LAMA5: variants seen among roughly 807,000 people sequenced by gnomAD.
The protein encoded by LAMA5 is laminin subunit alpha-5.
In LAMA5, 260 loss-of-function variants were observed where a neutral mutation model predicts 433.4. The observed-to-expected ratio is 0.60, with a 90% confidence interval of 0.54 to 0.66. The LOEUF (loss-of-function observed/expected upper bound fraction) is 0.66, where lower values mean the gene tolerates loss of function less well. LAMA5 is among the 30% of genes least tolerant of loss of function. The pLI is 0.00. For missense variants in LAMA5, 5,378 were observed against 5,258.5 expected (o/e 1.02, Z -0.70); for synonymous variants, 2,620 against 2,226.6 (o/e 1.18, Z -4.97).
chr20:62,326,724 A>G lies in LAMA5; in HGVS notation c.5251T>C (p.Tyr1751His), dbSNP rs762886509. 12 of 1,612,962 alleles carry G rather than the reference A, an allele frequency of 7.4e-6. No homozygotes were observed. Among genetic ancestry groups the G allele is most frequent in the Middle Eastern group, 1.7e-4 (1 of 6,058 alleles). The change falls in exon 40 of 80, where the codon TAC becomes CAC. Residue 1751 changes from tyrosine (Y) to histidine (H), a missense_variant. Coordinates refer to ENST00000252999, the MANE Select transcript of LAMA5 (RefSeq NM_005560.6). ...CGGTGAACGTGGCCAGGCGTGGGGT[A>G]TGCCGGCTCCAGGAATGTGATGCTC... ...QMSITFLEPA[Y>H]PTPGHVHRGQ... is the part of the protein sequence containing the mutation.
rs566795195 is a variant in LAMA5, at chr20:62,319,736, G to A, written c.6819C>T (p.Gly2273=). 4.5e-6 allele frequency: 7 copies of A among 1,548,882 alleles called. No individual in the cohort carries two copies. In the East Asian group the frequency reaches 7.3e-5, roughly 16 times the overall value. Residue 2273 remains glycine, a synonymous_variant, in exon 51 of 80, where the codon GGC becomes GGT. Coordinates refer to ENST00000252999, the MANE Select transcript of LAMA5 (RefSeq NM_005560.6). ...QLLAGTEATL[G]HAKTLLAAIR... ...TGGCCGCCAACAGCGTCTTCGCATG[G>A]CCCAGTGTGGCCTCGGTGCCGGCCA...
At chr20:62,318,781 C>G in intron 52 of LAMA5, 62 bp downstream of exon 52, 1 of 1,586,964 alleles carries the variant, frequency 6.3e-7, no homozygotes, top group Non-Finnish European at 8.6e-7. Flanking sequence ...GCTGACCTCC[C>G]CCTTGGAGCT....
In LAMA5 at chr20:62,362,507, G is replaced by A. The variant is rs1166130614; in HGVS notation, c.343C>T (p.His115Tyr). The change falls in exon 2 of 80, where the codon CAC becomes TAC. Residue 115 changes from histidine to tyrosine, a missense_variant. Coordinates refer to ENST00000252999, the MANE Select transcript of LAMA5 (RefSeq NM_005560.6). ...ICTAANSNKA[H>Y]PASNAIDGTE... The stretch of plus-strand genomic sequence containing the variant: ...CCATCGATGGCATTGCTCGCGGGGT[G>A]TGCCTTGTTGCTGTTGGCAGCCGTG... 7 of 1,603,510 alleles carry A rather than the reference G, an allele frequency of 4.4e-6. No homozygotes were observed. In the South Asian group the frequency reaches 5.6e-5, roughly 13 times the overall value.
rs754753504 is a variant in LAMA5 at position 62,330,799 on chromosome 20, G to T, written c.3796C>A (p.Arg1266=). 2 of 1,559,212 alleles carry T rather than the reference G, an allele frequency of 1.3e-6. No homozygotes were observed. The highest frequency in any genetic ancestry group is 1.2e-5 in the South Asian group (1 of 84,582). ...TCAGGGTCCACAGCGGTGGGGGGCC[G>T]AGGTCGGGGTCCAGCTGGGGACATG... is the stretch of plus-strand genomic sequence containing the variant. ...PAMSPAGPRP[R]PPTAVDPDAE... is the part of the protein sequence containing the mutation. The change falls in exon 30 of 80, where the codon CGG becomes AGG. Residue 1266 remains arginine (R), a synonymous_variant. Coordinates refer to ENST00000252999, the MANE Select transcript of LAMA5 (RefSeq NM_005560.6).
At chr20:62,339,438 A>G (rs974289645) in intron 11 of LAMA5, among the ~76,000 whole-genome samples, 1 of 151,824 alleles carries the variant, frequency 6.6e-6, no homozygotes, top group South Asian at 2.1e-4. Flanking sequence ...GGGTTTCACT[A>G]TGTTAGCCAG....
Position 62,309,631 on chromosome 20 carries a change from T to TG in LAMA5, c.10948+84dup, listed in dbSNP as rs1234851632. The TG allele has an allele frequency of 2.8e-3, 1,121 of 395,348 alleles. 32 individuals are homozygous for TG. The African/African-American group carries it at 0.059, about 21-fold the overall frequency. 24.5% of individuals were successfully genotyped at this position (395,348 alleles called of 1,614,324 possible). On this transcript the variant is annotated intron_variant, in intron 79 of 79. Transcript: ENST00000252999. ...GAGGAGGGTGGGAGGGGGCAGGGGG[T>TG]GGAGGGGTGGGGGGAGGGTGGTAGG...
intron 2 of LAMA5, among the ~76,000 whole-genome samples, chr20:62,357,139 GC>G (rs1221658320): frequency 6.6e-6 from 1 of 152,154 alleles, no homozygotes; most frequent in African/African-American, 2.4e-5. Context: ...GCTGTCCTGT[GC>G]CCAAACCCAG....
In LAMA5 at chr20:62,312,177, G is replaced by A. The variant is rs1395034751; in HGVS notation, c.9500C>T (p.Ser3167Phe). 1.2e-6 allele frequency: 2 copies of A among 1,610,716 alleles called. No individual in the cohort carries two copies. The highest frequency in any genetic ancestry group is 8.5e-7 in the Non-Finnish European group (1 of 1,179,214). ...GGCACGGGTGTGAGGTCTCACCGGG[G>A]ACGCCCGGTAGTAGAGCAGGGCACT... ...QDSALLYYRA[S>F]PDGLCQVSLQ... Residue 3167 changes from serine to phenylalanine, a missense_variant, in exon 69 of 80, where the codon TCC becomes TTC. By Grantham distance (155) the Ser-to-Phe change is radical. Transcript: ENST00000252999.
At chr20:62,345,738 C>G in intron 11 of LAMA5, 80 bp downstream of exon 11, 3 of 1,022,136 alleles carry the variant, frequency 2.9e-6, no homozygotes, top group Non-Finnish European at 4.3e-6. Context: ...AAAATCCTCC[C>G]TTTCTCCAGG....
At chr20:62,331,938 G>A (rs766142583) in intron 28 of LAMA5, among the ~76,000 whole-genome samples, 1 of 152,154 alleles carries the variant, frequency 6.6e-6, no homozygotes, top group Non-Finnish European at 1.5e-5. Flanking sequence ...TATAGTCTCA[G>A]GTACTTGGGA....
At position 62,317,305 on chromosome 20, in the gene LAMA5, C is replaced by T. The variant is rs375270707; in HGVS notation, c.7511+40G>A. ...CCCTCCCAAGGCCCTGTCTGCATCC[C>T]CAGGGTGGGCCCAGGGCCCCTCCTC... On this transcript the variant is annotated intron_variant, in intron 55 of 79. Transcript: ENST00000252999. 6.3e-5 allele frequency: 97 copies of T among 1,549,812 alleles called. 2 individuals are homozygous for T. The African/African-American group carries it at 9.5e-4, about 15-fold the overall frequency.
rs538749758 is a variant in LAMA5, at chr20:62,311,621, C to T, written c.9799G>A (p.Val3267Met). The T allele has an allele frequency of 1.4e-4, 221 of 1,605,724 alleles. 5 individuals carry two copies. In the South Asian group the frequency reaches 2.2e-3, roughly 16 times the overall value. The change falls in exon 71 of 80, where the codon GTG becomes ATG. Residue 3267 changes from valine (V) to methionine (M), a missense_variant. Physicochemically the swap from Val to Met is conservative, Grantham distance 21. Coordinates refer to ENST00000252999, the MANE Select transcript of LAMA5 (RefSeq NM_005560.6). ...NFSGCISNVF[V>M]QRLLGPQRVF... ...AGCGCCCACCAGGCTCACCGCTGCA[C>T]GAAGACGTTGCTGATGCAGCCACTG...
chr20:62,318,527 T>C lies in LAMA5; in HGVS notation c.7166A>G (p.Asn2389Ser). 1 of 1,609,590 alleles carries C rather than the reference T, an allele frequency of 6.2e-7. No individual in the cohort carries two copies. Among genetic ancestry groups the C allele is most frequent in the Non-Finnish European group, 8.5e-7 (1 of 1,178,980 alleles). ...CTCCCGTGTGGCGTCCACTGCCCGGTTCAAAGCCTCTCGCAGGTCCATGAG... is the reference window on the plus strand; with the variant it reads ...CTCCCGTGTGGCGTCCACTGCCCGGCTCAAAGCCTCTCGCAGGTCCATGAG... Reference protein sequence around the residue: ...AGLMDLREALNRAVDATREAQ... With the variant: ...AGLMDLREALSRAVDATREAQ... Residue 2389 changes from asparagine to serine, a missense_variant, in exon 53 of 80, where the codon AAC becomes AGC. Transcript: ENST00000252999.
chr20:62,364,809 T>G (rs1986541208), intron 1 of LAMA5, among the ~76,000 whole-genome samples: 1 of 152,230 alleles, frequency 6.6e-6, no homozygotes, highest in African/African-American at 2.4e-5. Flanking sequence ...GTGCATCTCC[T>G]ACAGAGGGTC....
At chr20:62,311,366 C>T (rs1986250648) in intron 72 of LAMA5, 35 bp downstream of exon 72, 3 of 1,528,476 alleles carry the variant, frequency 2.0e-6, no homozygotes, top group Non-Finnish European at 8.8e-7. Context: ...CTTCCAGCCA[C>T]CCCAGCTCTG....
intron 79 of LAMA5, 34 bp from the exon 80 acceptor site, chr20:62,309,509 T>G (rs1277883800): frequency 1.3e-6 from 2 of 1,528,674 alleles, no homozygotes; most frequent in Non-Finnish European, 1.8e-6. Flanking sequence ...GAAGGCTGGT[T>G]GGTGGGCAGC....
intron 11 of LAMA5, among the ~76,000 whole-genome samples, chr20:62,344,291 G>A (rs1332423100): frequency 6.6e-6 from 1 of 151,420 alleles, no homozygotes; most frequent in East Asian, 1.9e-4. Context: ...AGCAAAAGAC[G>A]CATCCCAATT....
At chr20:62,322,605 A>C in intron 46 of LAMA5, 53 bp downstream of exon 46, 1 of 1,452,802 alleles carries the variant, frequency 6.9e-7, no homozygotes, top group Non-Finnish European at 9.3e-7. Flanking sequence ...CCCAGGCCCC[A>C]ACTCTAGTCC....
At chr20:62,351,118 CAG>C (rs1984221053) in intron 6 of LAMA5, 1 of 159,724 alleles carries the variant, frequency 6.3e-6, no homozygotes, top group African/African-American at 2.4e-5. Context: ...AGCAGGCACA[CAG>C]GGCACAGCAG....
Sources: gnomAD v4.1 joint callset for allele counts (sites outside exome capture counted in the v4.1 genomes callset) on GRCh38, gnomAD v4.1.1 for gene constraint, MANE v1.5 for transcripts, NCBI Gene and HGNC (gene_info 2026-07-23, HGNC 2026-07-21) for gene names.